EDN1: variants seen among roughly 807,000 people sequenced by gnomAD.
EDN1 encodes the protein endothelin 1.
EDN1 carries 11 observed loss-of-function variants against 21.7 expected under a neutral mutation model. The ratio of observed to expected loss-of-function variants is 0.51; its 90% CI spans 0.32 to 0.84. The LOEUF (loss-of-function observed/expected upper bound fraction) is 0.84, where lower values mean the gene tolerates loss of function less well. Ranked by LOEUF, EDN1 falls within the 40% of genes least tolerant of loss-of-function variation. EDN1 has a pLI of 0.03. For missense variants in EDN1, 244 were observed against 262.3 expected, an observed-to-expected ratio of 0.93 and a Z score of 0.48; for synonymous variants, 85 against 90.6, an observed-to-expected ratio of 0.94 and a Z score of 0.35.
chr6:12,271,205 C>A, the EDN1 span, among the ~76,000 whole-genome samples: 899 of 152,074 alleles, frequency 5.9e-3, 7 homozygotes, highest in Non-Finnish European at 0.01. Flanking sequence ...TAAAGACTTA[C>A]TCCTGCTATT....
At chr6:12,282,704 T>G in the EDN1 span, among the ~76,000 whole-genome samples, 11 of 152,212 alleles carry the variant, frequency 7.2e-5, no homozygotes, top group Non-Finnish European at 1.3e-4. Context: ...ACAAATGAAG[T>G]ATATTCCTTC....
intron 1 of EDN1, among the ~76,000 whole-genome samples, chr6:12,290,924 A>G (rs1762662966): frequency 6.6e-6 from 1 of 152,118 alleles, no homozygotes; most frequent in Admixed American, 6.5e-5. Context: ...CATTAAAATA[A>G]CTTATCGTTT....
chr6:12,275,933 T>C, the EDN1 span, among the ~76,000 whole-genome samples: 488 of 151,852 alleles, frequency 3.2e-3, 7 homozygotes, highest in African/African-American at 0.012. Context: ...GAGGCCAAGG[T>C]GGGTGGATCA....
At chr6:12,248,566 C>T in the EDN1 span, among the ~76,000 whole-genome samples, 2 of 152,132 alleles carry the variant, frequency 1.3e-5, no homozygotes, top group Admixed American at 1.3e-4. Flanking sequence ...AGAGAGGAGA[C>T]AAGAATAGCC....
At chr6:12,236,506 T>C in the EDN1 span, among the ~76,000 whole-genome samples, 2 of 152,142 alleles carry the variant, frequency 1.3e-5, no homozygotes, top group Non-Finnish European at 2.9e-5. Context: ...GTGATCCACC[T>C]ACCTTGGCTT....
intron 2 of EDN1, among the ~76,000 whole-genome samples, chr6:12,292,754 C>T (rs1257447149): frequency 1.3e-5 from 2 of 152,270 alleles, no homozygotes; most frequent in East Asian, 3.9e-4. Flanking sequence ...CAGGAGGCCA[C>T]TGCACGTTTC....
At chr6:12,289,313 C>T (rs1310793350), upstream of EDN1, among the ~76,000 whole-genome samples, 1 of 151,902 alleles carries the variant, frequency 6.6e-6, no homozygotes, top group Non-Finnish European at 1.5e-5. Context: ...GAAGACACCC[C>T]CCCAAAAAAA....
rs1016019040 is a variant in EDN1, at chr6:12,296,148, A to G, written c.*81A>G. 2.4e-6 allele frequency: 3 copies of G among 1,274,986 alleles called. No individual in the cohort carries two copies. The highest frequency in any genetic ancestry group is 3.4e-6 in the Non-Finnish European group (3 of 873,076). 79.0% of individuals were successfully genotyped at this position (1,274,986 alleles called of 1,614,324 possible). A position where few individuals can be genotyped will look rare whatever the true frequency, so the allele number is the denominator to read the frequency against. On this transcript the variant is annotated 3_prime_UTR_variant, in exon 5 of 5. Coordinates refer to ENST00000379375, the MANE Select transcript of EDN1 (RefSeq NM_001955.5). ...CTCTGCACTCTCCACCCTGGCTGGG[A>G]TCAGAGCAGGAGCATCCTCTGCTGG...
At position 12,296,998 on chromosome 6, in the gene EDN1, G is replaced by A. The variant is rs1762842274; in HGVS notation, c.*931G>A. On this transcript the variant is annotated 3_prime_UTR_variant, in exon 5 of 5. Coordinates refer to ENST00000379375, the MANE Select transcript of EDN1 (RefSeq NM_001955.5). ...AATGAAAGAGGTTGGATTGAATTTTGATGTACTTATTTTTTTATAGATATT... is the reference window on the plus strand; with the variant it reads ...AATGAAAGAGGTTGGATTGAATTTTAATGTACTTATTTTTTTATAGATATT... The A allele has an allele frequency of 6.6e-6, 1 of 152,044 alleles. No individual in the cohort carries two copies. The highest frequency in any genetic ancestry group is 1.5e-5 in the Non-Finnish European group (1 of 67,984). 9.4% of individuals were successfully genotyped at this position (152,044 alleles called of 1,614,324 possible).
the EDN1 span, among the ~76,000 whole-genome samples, chr6:12,278,190 T>C: frequency 6.6e-6 from 1 of 152,122 alleles, no homozygotes; most frequent in Non-Finnish European, 1.5e-5. Context: ...ACCCCAATTA[T>C]CCCCCAAAAA....
upstream of EDN1, among the ~76,000 whole-genome samples, chr6:12,287,225 T>C (rs1487688480): frequency 6.6e-6 from 1 of 151,496 alleles, no homozygotes; most frequent in Non-Finnish European, 1.5e-5. Flanking sequence ...TTCCTTCCCT[T>C]CCCTTTCTGA....
the EDN1 span, among the ~76,000 whole-genome samples, chr6:12,275,828 TGG>T: frequency 1.2e-3 from 175 of 149,366 alleles, no homozygotes; most frequent in South Asian, 2.6e-3. Context: ...TGTGTGTGTG[TGG>T]ATGCATGCAT....
chr6:12,247,357 G>A, the EDN1 span, among the ~76,000 whole-genome samples: 3 of 152,068 alleles, frequency 2.0e-5, no homozygotes, highest in Non-Finnish European at 1.5e-5. Flanking sequence ...ACATGTTTCT[G>A]TATAACATGG....
At chr6:12,232,190 A>C in the EDN1 span, among the ~76,000 whole-genome samples, 1 of 136,790 alleles carries the variant, frequency 7.3e-6, no homozygotes. Context: ...ATATTATATT[A>C]TATTTATAAT....
chr6:12,279,976 T>C, the EDN1 span, among the ~76,000 whole-genome samples: 1 of 152,068 alleles, frequency 6.6e-6, no homozygotes, highest in Admixed American at 6.6e-5. Context: ...GCAATTTTGA[T>C]GAAGAAGAAA....
chr6:12,273,606 T>A, the EDN1 span, among the ~76,000 whole-genome samples: 1 of 145,034 alleles, frequency 6.9e-6, no homozygotes, highest in Non-Finnish European at 1.5e-5. Flanking sequence ...AGGCAGGACT[T>A]TTTTTTTTTT....
chr6:12,284,718 GGAAA>G, the EDN1 span, among the ~76,000 whole-genome samples: 2 of 73,984 alleles, frequency 2.7e-5, no homozygotes, highest in Non-Finnish European at 5.0e-5. Flanking sequence ...AAAGAAAGAA[GGAAA>G]GGAAGGAAGG....
At chr6:12,256,266 T>C in the EDN1 span, among the ~76,000 whole-genome samples, 596 of 152,214 alleles carry the variant, frequency 3.9e-3, 8 homozygotes, top group Middle Eastern at 0.034. Context: ...GGCGGGAGGA[T>C]TGCTTGAGCC....
At chr6:12,256,866 A>T in the EDN1 span, among the ~76,000 whole-genome samples, 1 of 152,256 alleles carries the variant, frequency 6.6e-6, no homozygotes, top group Non-Finnish European at 1.5e-5. Flanking sequence ...AATGAACTTT[A>T]CTTAAGCTGT....
Sources: allele counts gnomAD v4.1 joint callset (sites outside exome capture counted in the v4.1 genomes callset), GRCh38; gene constraint gnomAD v4.1.1; transcripts MANE v1.5; gene names NCBI Gene and HGNC (gene_info 2026-07-23, HGNC 2026-07-21).